The following WIPF3 variants were observed in gnomAD, a reference collection of about 807,000 sequenced individuals.
The protein encoded by WIPF3 is WAS/WASL interacting protein family member 3, also known as WAS/WASL-interacting protein family member 3.
WIPF3 carries 33 observed loss-of-function variants against 38.9 expected under a neutral mutation model. That is an observed-to-expected ratio of 0.85 (90% confidence interval 0.64 to 1.14). The LOEUF is 1.14. Among genes scored for constraint, WIPF3 ranks in the 50% most tolerant of loss-of-function variants. WIPF3 has a pLI of 0.00. For missense variants in WIPF3, 711 were observed against 652.5 expected, an observed-to-expected ratio of 1.09 and a Z score of -0.98; for synonymous variants, 324 against 269.3, an observed-to-expected ratio of 1.20 and a Z score of -1.99.
chr7:29,835,333 G>A (rs542101876), intron 2 of WIPF3, among the ~76,000 whole-genome samples: 57 of 152,274 alleles, frequency 3.7e-4, no homozygotes, highest in African/African-American at 1.3e-3. Context: ...GTTGCTGAAT[G>A]TTCTCTCTTG....
chr7:29,914,547 C>G lies in WIPF3; in HGVS notation c.*31C>G. ...CAGATGAAGCGAAGGTCCTGGGGTTCCAGGTTGCAGAACAACATGTCAGAC... is the reference window on the plus strand; with the variant it reads ...CAGATGAAGCGAAGGTCCTGGGGTTGCAGGTTGCAGAACAACATGTCAGAC... On this transcript the variant is annotated 3_prime_UTR_variant, in exon 9 of 9. Transcript: ENST00000242140. 1.3e-6 allele frequency: 2 copies of G among 1,491,614 alleles called. No individual in the cohort carries two copies. Among genetic ancestry groups the G allele is most frequent in the Non-Finnish European group, 1.8e-6 (2 of 1,116,982 alleles). The allele number at this position is 1,491,614 out of a possible 1,614,324, so 92.4% of individuals were successfully genotyped here.
chr7:29,884,102 C>A lies in WIPF3; in HGVS notation c.608C>A (p.Pro203Gln). 1 of 1,504,148 alleles carries A rather than the reference C, an allele frequency of 6.6e-7. No homozygotes were observed. Among genetic ancestry groups the A allele is most frequent in the Non-Finnish European group, 8.9e-7 (1 of 1,121,742 alleles). The allele number at this position is 1,504,148 out of a possible 1,614,324, so 93.2% of individuals were successfully genotyped here. ...CCCATCAAAACTCCGCTTGTGTCCC[C>A]ACCCGGCCCACTGACCAAAGGGAAC... is the stretch of plus-strand genomic sequence containing the variant. ...SSPIKTPLVS[P>Q]PGPLTKGNLP... Residue 203 changes from proline to glutamine, a missense_variant, in exon 5 of 9, where the codon CCA (proline) becomes CAA (glutamine). Physicochemically the swap from Pro to Gln is moderately conservative, Grantham distance 76. Transcript: ENST00000242140.
rs964702574 is a variant in WIPF3 at position 29,824,000 on chromosome 7, G to A, written c.-57-10668G>A. Among the ~76,000 whole-genome samples, 3 of 152,250 alleles carry A rather than the reference G, an allele frequency of 2.0e-5. No homozygotes were observed. The highest frequency in any genetic ancestry group is 7.2e-5 in the African/African-American group (3 of 41,520). On this transcript the variant is annotated intron_variant, in intron 1 of 8. Coordinates refer to ENST00000242140, the MANE Select transcript of WIPF3 (RefSeq NM_001080529.3). The surrounding 1 kb of genome is among the most constrained non-coding windows in gnomAD (Gnocchi z 4.0). The stretch of plus-strand genomic sequence containing the variant: ...GTTTCAGGTATTTCTTTATAGCAAC[G>A]CGAGAACAGACTAATACACCAAGGC...
chr7:29,837,171 C>T (rs542583446), intron 2 of WIPF3, among the ~76,000 whole-genome samples: 24 of 151,978 alleles, frequency 1.6e-4, no homozygotes, highest in African/African-American at 4.6e-4. Flanking sequence ...CTGGCTAACA[C>T]GGTGAAACCC....
rs145905609 is a variant in WIPF3 at position 29,823,091 on chromosome 7, A to G, written c.-57-11577A>G. Among the ~76,000 whole-genome samples the G allele has an allele frequency of 3.0e-3, 450 of 152,328 alleles. No individual in the cohort carries two copies. Among genetic ancestry groups the G allele is most frequent in the Middle Eastern group, 6.8e-3 (2 of 294 alleles). On this transcript the variant is annotated intron_variant, in intron 1 of 8. Coordinates refer to ENST00000242140, the MANE Select transcript of WIPF3 (RefSeq NM_001080529.3). This position sits in a 1 kb window ranked among gnomAD's most constrained non-coding sequence, Gnocchi z 4.0. ...GTACTCCTTTGCTCCTCATATTTAT[A>G]CAACTTAGGAAAGAAGAAACATTCT...
At chr7:29,896,985 C>G (rs1193103842) in intron 7 of WIPF3, among the ~76,000 whole-genome samples, 1 of 152,172 alleles carries the variant, frequency 6.6e-6, no homozygotes, top group African/African-American at 2.4e-5. Flanking sequence ...CTGAACAACT[C>G]CCCATTCTCC....
chr7:29,911,058 C>T (rs765643550), intron 8 of WIPF3, among the ~76,000 whole-genome samples: 1 of 151,226 alleles, frequency 6.6e-6, no homozygotes, highest in Non-Finnish European at 1.5e-5. Flanking sequence ...AGAAATAATT[C>T]AGCAAAGTAG....
intron 1 of WIPF3, among the ~76,000 whole-genome samples, chr7:29,807,486 G>C (rs997644685): frequency 2.0e-5 from 3 of 152,186 alleles, no homozygotes; most frequent in Non-Finnish European, 4.4e-5. Flanking sequence ...CCTGGACCTG[G>C]AGGAGCGCCG....
At position 29,823,749 on chromosome 7, in the gene WIPF3, G is replaced by A. The variant is rs973630320; in HGVS notation, c.-57-10919G>A. ...ATTGGTTTAGTGCCATCCCCTCATC[G>A]TTGCTCTTGTGATGTTGAGTGAGTT... On this transcript the variant is annotated intron_variant, in intron 1 of 8. Transcript: ENST00000242140. The surrounding 1 kb of genome is among the most constrained non-coding windows in gnomAD (Gnocchi z 4.0). 3.9e-5 allele frequency among the ~76,000 whole-genome samples: 6 copies of A among 152,134 alleles called. No homozygotes were observed. Among genetic ancestry groups the A allele is most frequent in the East Asian group, 1.9e-4 (1 of 5,194 alleles).
intron 2 of WIPF3, among the ~76,000 whole-genome samples, chr7:29,875,533 G>T (rs930289905): frequency 5.3e-5 from 8 of 152,152 alleles, no homozygotes; most frequent in Non-Finnish European, 1.5e-5. Context: ...CTGGGGTGGG[G>T]AGTGTAAGAG....
At position 29,841,635 on chromosome 7, in the gene WIPF3, A is replaced by G. The variant is rs186358055; in HGVS notation, c.90+6821A>G. On this transcript the variant is annotated intron_variant, in intron 2 of 8. Transcript: ENST00000242140. Reference sequence around the variant, plus strand: ...AGACCAGCCTGGCCAACATGGTGAAACCCCATCTCTACTAAAAAATACAAA... The same window carrying G: ...AGACCAGCCTGGCCAACATGGTGAAGCCCCATCTCTACTAAAAAATACAAA... 6.6e-5 allele frequency among the ~76,000 whole-genome samples: 10 copies of G among 152,230 alleles called. No individual in the cohort carries two copies. The East Asian group carries it at 1.9e-3, about 29-fold the overall frequency.
intron 2 of WIPF3, among the ~76,000 whole-genome samples, chr7:29,871,004 T>C (rs935609854): frequency 3.3e-5 from 5 of 150,944 alleles, no homozygotes; most frequent in African/African-American, 1.2e-4. Flanking sequence ...GGTTAGCAGG[T>C]GCATTCTTTT....
At chr7:29,847,707 C>G (rs763192163) in intron 2 of WIPF3, among the ~76,000 whole-genome samples, 16 of 152,170 alleles carry the variant, frequency 1.1e-4, no homozygotes, top group South Asian at 2.1e-4. Flanking sequence ...GGAATGAGGT[C>G]TTATGACCTA....
intron 1 of WIPF3, among the ~76,000 whole-genome samples, chr7:29,828,908 G>T (rs1784670601): frequency 6.6e-6 from 1 of 152,218 alleles, no homozygotes; most frequent in Non-Finnish European, 1.5e-5. Context: ...CCTGCCCAAG[G>T]AGGAAGATGC....
At chr7:29,811,100 A>G (rs188511433) in intron 1 of WIPF3, among the ~76,000 whole-genome samples, 125 of 152,130 alleles carry the variant, frequency 8.2e-4, no homozygotes, top group African/African-American at 2.8e-3. Context: ...TATACTGCCC[A>G]GGCTGGTCTC....
intron 4 of WIPF3, among the ~76,000 whole-genome samples, chr7:29,881,351 G>A (rs174962): frequency 0.49 from 74,074 of 152,128 alleles, 19,380 homozygotes; most frequent in East Asian, 0.87. Context: ...AATGCCTGGC[G>A]CATGGCAGGT....
intron 1 of WIPF3, among the ~76,000 whole-genome samples, chr7:29,820,745 A>G (rs1013861128): frequency 1.3e-5 from 2 of 152,082 alleles, no homozygotes; most frequent in Admixed American, 6.5e-5. Context: ...CCAAAACTAA[A>G]CCTTTTAATA....
intron 7 of WIPF3, among the ~76,000 whole-genome samples, chr7:29,894,314 T>C (rs1004031431): frequency 6.6e-6 from 1 of 152,118 alleles, no homozygotes; most frequent in Non-Finnish European, 1.5e-5. Context: ...GAGGGTGCAA[T>C]TGGCAGTCTG....
At chr7:29,856,913 C>T (rs1040946512) in intron 2 of WIPF3, among the ~76,000 whole-genome samples, 1 of 152,150 alleles carries the variant, frequency 6.6e-6, no homozygotes, top group African/African-American at 2.4e-5. Context: ...GCACAAGTTA[C>T]TCTAATGTCT....
Sources: gnomAD v4.1 joint callset for allele counts (sites outside exome capture counted in the v4.1 genomes callset) on GRCh38, gnomAD v4.1.1 for gene constraint, Gnocchi (gnomAD v3.1) non-coding constraint, MANE v1.5 for transcripts, NCBI Gene and HGNC (gene_info 2026-07-23, HGNC 2026-07-21) for gene names.